Variants in SGCD observed in about 807,000 individuals in gnomAD.
The protein encoded by SGCD is sarcoglycan delta.
A neutral mutation model predicts 36.6 loss-of-function variants in SGCD; 18 were observed. The observed-to-expected ratio is 0.49, with a 90% confidence interval of 0.34 to 0.73. SGCD has a LOEUF of 0.73. Ranked by LOEUF, SGCD falls within the 30% of genes least tolerant of loss-of-function variation. The pLI is 0.01. For synonymous variants in SGCD, 133 were observed against 130.6 expected, an observed-to-expected ratio of 1.02 and a Z score of -0.12; for missense variants, 387 against 346.7, an observed-to-expected ratio of 1.12 and a Z score of -0.92.
chr5:155,912,961 C>T (rs1756662014), intron 1 of SGCD, among the ~76,000 whole-genome samples: 1 of 152,172 alleles, frequency 6.6e-6, no homozygotes, highest in African/African-American at 2.4e-5. Flanking sequence ...AATGTTCCTT[C>T]TAAGAAGGTG....
chr5:156,642,296 T>C (rs1581315725), intron 6 of SGCD, among the ~76,000 whole-genome samples: 1 of 152,134 alleles, frequency 6.6e-6, no homozygotes, highest in East Asian at 1.9e-4. Flanking sequence ...ATCCATAACA[T>C]GCAGCTACAG....
chr5:156,093,896 AG>A (rs1336220793), intron 1 of SGCD, among the ~76,000 whole-genome samples: 1 of 152,200 alleles, frequency 6.6e-6, no homozygotes, highest in Non-Finnish European at 1.5e-5. Context: ...TGAATAAAAC[AG>A]GCATTGGAAA....
intron 3 of SGCD, among the ~76,000 whole-genome samples, chr5:156,229,694 G>A (rs1764964298): frequency 6.6e-6 from 1 of 152,008 alleles, no homozygotes; most frequent in Admixed American, 6.6e-5. Context: ...TTTGCTTCTT[G>A]TATTTGGATG....
chr5:155,791,063 C>A, the SGCD span, among the ~76,000 whole-genome samples: 1 of 152,088 alleles, frequency 6.6e-6, no homozygotes, highest in Admixed American at 6.6e-5. Context: ...TAAAATTCTG[C>A]TTAAATATGT....
At chr5:156,311,936 TC>T (rs1767399665) in intron 3 of SGCD, among the ~76,000 whole-genome samples, 1 of 152,198 alleles carries the variant, frequency 6.6e-6, no homozygotes, top group African/African-American at 2.4e-5. Context: ...TTTATTTTTT[TC>T]TTGAGAGCCA....
intron 1 of SGCD, among the ~76,000 whole-genome samples, chr5:156,095,326 T>C (rs1761349362): frequency 6.6e-6 from 1 of 152,204 alleles, no homozygotes; most frequent in African/African-American, 2.4e-5. Context: ...CTCAGTCTTA[T>C]TCCAAGTCCC....
In SGCD at chr5:156,162,916, G is replaced by A. The variant is rs73300644; in HGVS notation, c.-44+38897G>A. Among the ~76,000 whole-genome samples, 661 of 151,604 alleles carry A rather than the reference G, an allele frequency of 4.4e-3. 34 individuals are homozygous for A. The highest frequency in any genetic ancestry group is 0.016 in the African/African-American group (636 of 40,960). ...TAACCCTGGGGGATGAGGCAAGGCA[G>A]CCATTTATCTTCATGTCATCTAATC... On this transcript the variant is annotated intron_variant, in intron 3 of 9. Transcript: ENST00000517913.
intron 1 of SGCD, among the ~76,000 whole-genome samples, chr5:155,900,031 C>A (rs760956780): frequency 2.0e-4 from 31 of 152,170 alleles, no homozygotes; most frequent in Non-Finnish European, 4.1e-4. Flanking sequence ...TTCCCTAACT[C>A]CTCAGAAAAT....
intron 3 of SGCD, among the ~76,000 whole-genome samples, chr5:156,168,596 G>C (rs1171824337): frequency 1.3e-5 from 2 of 152,162 alleles, no homozygotes; most frequent in African/African-American, 4.8e-5. Flanking sequence ...ATTGTTTTAT[G>C]TTTTAATATT....
the SGCD span, among the ~76,000 whole-genome samples, chr5:155,810,276 CT>C: frequency 6.6e-6 from 1 of 152,146 alleles, no homozygotes; most frequent in African/African-American, 2.4e-5. Flanking sequence ...GTCTTTCTGA[CT>C]GAAAAGATTT....
chr5:155,946,238 G>A (rs1757434922), intron 1 of SGCD, among the ~76,000 whole-genome samples: 2 of 152,050 alleles, frequency 1.3e-5, no homozygotes, highest in Admixed American at 6.6e-5. Context: ...TAGGTGTTGT[G>A]CATATTTTAT....
chr5:156,296,302 G>C (rs1766891887), intron 3 of SGCD, among the ~76,000 whole-genome samples: 1 of 152,198 alleles, frequency 6.6e-6, no homozygotes, highest in Admixed American at 6.5e-5. Flanking sequence ...AGGAGGCAGA[G>C]AACTAGAGAC....
chr5:155,798,737 A>C, the SGCD span, among the ~76,000 whole-genome samples: 4 of 152,214 alleles, frequency 2.6e-5, no homozygotes, highest in African/African-American at 9.6e-5. Flanking sequence ...GAAGGAGTAC[A>C]TTTAAAACAA....
chr5:156,010,522 G>A lies in SGCD; in HGVS notation c.-281-107356G>A, dbSNP rs113390598. ...GACTGCAATAGTTTTTCAGATAGTT[G>A]ACATCTAATGAATTATGGTTTCTAG... On this transcript the variant is annotated intron_variant, in intron 1 of 9. Coordinates refer to the SGCD transcript ENST00000517913. Among the ~76,000 whole-genome samples, 762 of 152,224 alleles carry A rather than the reference G, an allele frequency of 5.0e-3. 9 individuals carry two copies. The highest frequency in any genetic ancestry group is 0.017 in the African/African-American group (713 of 41,556).
chr5:156,104,111 G>A (rs747955062), intron 1 of SGCD, among the ~76,000 whole-genome samples: 1 of 152,012 alleles, frequency 6.6e-6, no homozygotes, highest in Non-Finnish European at 1.5e-5. Context: ...AGTTGTCCCT[G>A]TTAAAGTCAC....
intron 1 of SGCD, among the ~76,000 whole-genome samples, chr5:155,968,631 T>G (rs1581017797): frequency 6.6e-6 from 1 of 152,132 alleles, no homozygotes; most frequent in Admixed American, 6.6e-5. Context: ...AATAACATAG[T>G]GTATATAGAG....
intron 7 of SGCD, among the ~76,000 whole-genome samples, chr5:156,736,811 GTAATCACTT>G (rs1388062645): frequency 5.9e-5 from 9 of 152,284 alleles, no homozygotes; most frequent in Admixed American, 2.6e-4. Flanking sequence ...ATTATTGAAT[GTAATCACTT>G]TAATCACTTT....
intron 7 of SGCD, among the ~76,000 whole-genome samples, chr5:156,735,997 T>C (rs1756341369): frequency 6.6e-6 from 1 of 151,560 alleles, no homozygotes; most frequent in Non-Finnish European, 1.5e-5. Context: ...GGGAGAAGAG[T>C]TTTCCTGGGA....
the SGCD span, among the ~76,000 whole-genome samples, chr5:155,734,033 A>G: frequency 6.7e-6 from 1 of 149,972 alleles, no homozygotes; most frequent in African/African-American, 2.4e-5. Flanking sequence ...GCCAGTTCAC[A>G]CAGATTCTCT....
Sources: gnomAD v4.1 joint callset for allele counts (sites outside exome capture counted in the v4.1 genomes callset) on GRCh38, gnomAD v4.1.1 for gene constraint, MANE v1.5 for transcripts, NCBI Gene and HGNC (gene_info 2026-07-23, HGNC 2026-07-21) for gene names.